Variants in SLC35F4 observed in about 807,000 individuals in gnomAD.
The protein encoded by SLC35F4 is solute carrier family 35 member F4.
SLC35F4 carries 24 observed loss-of-function variants against 44.2 expected under a neutral mutation model. That is an observed-to-expected ratio of 0.54 (90% CI 0.39 to 0.76). The LOEUF is 0.76. Ranked by LOEUF, SLC35F4 falls within the 30% of genes least tolerant of loss-of-function variation. SLC35F4 has a pLI of 0.00. For synonymous variants in SLC35F4, 238 were observed against 223.6 expected (o/e 1.06, Z -0.57); for missense variants, 562 against 586.1 (o/e 0.96, Z 0.42).
chr14:57,575,495 A>G (rs1448711390), intron 4 of SLC35F4, among the ~76,000 whole-genome samples: 1 of 152,098 alleles, frequency 6.6e-6, no homozygotes, highest in Non-Finnish European at 1.5e-5. Context: ...ACAAACAAAA[A>G]AGATGGGGAA....
chr14:57,774,513 T>A (rs1279606372), intron 1 of SLC35F4, among the ~76,000 whole-genome samples: 2 of 152,208 alleles, frequency 1.3e-5, no homozygotes, highest in Non-Finnish European at 2.9e-5. Flanking sequence ...CTTGCTCCTA[T>A]GGGAGACTTT....
At chr14:57,771,669 C>T (rs1335071314) in intron 1 of SLC35F4, among the ~76,000 whole-genome samples, 2 of 152,236 alleles carry the variant, frequency 1.3e-5, no homozygotes, top group African/African-American at 2.4e-5. Flanking sequence ...TCACAGCTCA[C>T]TGCAATCTCT....
Position 57,578,325 on chromosome 14 carries a change from GTTTTTTTTTTTTTTTTTTTT to G in SLC35F4, c.807+2869_807+2888del, listed in dbSNP as rs199785589. Among the ~76,000 whole-genome samples the G allele has an allele frequency of 8.3e-4, 36 of 43,164 alleles. 1 individual carries two copies. Among genetic ancestry groups the G allele is most frequent in the East Asian group, 8.3e-3 (15 of 1,802 alleles). The allele number at this position is 43,164 out of a possible 152,430, so 28.3% of individuals were successfully genotyped here. ...GATGACTGAAAGCATCCCTTTAACT[GTTTTTTTTTTTTTTTTTTTT>G]TTTTTTTTTTTTTTTTTTGAGTAGT... is the stretch of plus-strand genomic sequence containing the variant. On this transcript the variant is annotated intron_variant, in intron 4 of 7. Transcript: ENST00000556826.
At chr14:57,902,654 A>G (rs1889027513) in intron 1 of SLC35F4, among the ~76,000 whole-genome samples, 1 of 152,208 alleles carries the variant, frequency 6.6e-6, no homozygotes, top group Non-Finnish European at 1.5e-5. Flanking sequence ...GAAAAAAATC[A>G]TGTGTATAAA....
intron 1 of SLC35F4, among the ~76,000 whole-genome samples, chr14:57,897,338 A>C (rs1177520803): frequency 6.6e-6 from 1 of 152,146 alleles, no homozygotes; most frequent in Non-Finnish European, 1.5e-5. Context: ...TGTCAGCATG[A>C]TAAATGACAA....
chr14:57,581,403 A>G lies in SLC35F4; in HGVS notation c.618T>C (p.Gly206=). The G allele has an allele frequency of 6.2e-7, 1 of 1,611,872 alleles. No individual in the cohort carries two copies. The highest frequency in any genetic ancestry group is 8.5e-7 in the Non-Finnish European group (1 of 1,178,972). The change falls in exon 4 of 8, where the codon GGT becomes GGC. Residue 206 remains glycine (G), a synonymous_variant. Coordinates refer to ENST00000556826, the MANE Select transcript of SLC35F4 (RefSeq NM_001306087.2). ...RECSRIFGED[G]LTLKLFLKRT... is the part of the protein sequence containing the mutation. ...TTTTAAGAAAGAGTTTCAGCGTCAG[A>G]CCATCTTCACCAAAAATCCGACTGC...
intron 1 of SLC35F4, among the ~76,000 whole-genome samples, chr14:57,720,492 A>T (rs1160128995): frequency 6.6e-6 from 1 of 152,178 alleles, no homozygotes; most frequent in Non-Finnish European, 1.5e-5. Context: ...ATGTTTTATT[A>T]TGGCATTGAT....
chr14:57,950,551 A>T (rs780710888), intron 1 of SLC35F4, among the ~76,000 whole-genome samples: 1 of 151,830 alleles, frequency 6.6e-6, no homozygotes, highest in Non-Finnish European at 1.5e-5. Context: ...CTTGGCTTGG[A>T]GCCATTTCTG....
intron 1 of SLC35F4, among the ~76,000 whole-genome samples, chr14:57,772,611 C>T (rs2077394738): frequency 6.6e-6 from 1 of 152,130 alleles, no homozygotes; most frequent in South Asian, 2.1e-4. Context: ...TAAGTGAGGA[C>T]ATGTAGTATT....
At chr14:57,778,065 T>G (rs1390792951) in intron 1 of SLC35F4, among the ~76,000 whole-genome samples, 4 of 152,196 alleles carry the variant, frequency 2.6e-5, no homozygotes, top group Non-Finnish European at 2.9e-5. Context: ...GACAGGTCTT[T>G]CCTATGCTGT....
intron 1 of SLC35F4, among the ~76,000 whole-genome samples, chr14:57,733,201 C>G (rs139914097): frequency 1.3e-5 from 2 of 152,048 alleles, no homozygotes; most frequent in Non-Finnish European, 2.9e-5. Context: ...GCTCTCCGGC[C>G]TACTGATTTG....
intron 1 of SLC35F4, among the ~76,000 whole-genome samples, chr14:57,631,795 CT>C (rs1323123087): frequency 2.0e-5 from 3 of 152,008 alleles, no homozygotes; most frequent in Non-Finnish European, 2.9e-5. Context: ...TAGTATTTCT[CT>C]GAAAGATCGT....
At chr14:57,625,867 A>G (rs1438313282) in intron 1 of SLC35F4, among the ~76,000 whole-genome samples, 1 of 152,120 alleles carries the variant, frequency 6.6e-6, no homozygotes, top group Non-Finnish European at 1.5e-5. Context: ...ATAAAGACAC[A>G]CACACGTATG....
intron 1 of SLC35F4, among the ~76,000 whole-genome samples, chr14:57,958,782 G>A (rs920982966): frequency 2.6e-5 from 4 of 152,178 alleles, no homozygotes; most frequent in Non-Finnish European, 4.4e-5. Flanking sequence ...ATACATTGAT[G>A]ATAGGAATGT....
At chr14:57,619,690 T>C (rs188336027) in intron 1 of SLC35F4, among the ~76,000 whole-genome samples, 2 of 151,636 alleles carry the variant, frequency 1.3e-5, no homozygotes, top group Admixed American at 1.3e-4. Flanking sequence ...GTAGAATGAG[T>C]TTGACAAATG....
rs1252027469 is a variant in SLC35F4 at position 57,865,703 on chromosome 14, G to A, written c.103+20C>T. On this transcript the variant is annotated intron_variant, in intron 1 of 7. Transcript: ENST00000556826. The stretch of plus-strand genomic sequence containing the variant: ...ACCTCCCTTCCCCGCCTCGCGCAGG[G>A]CAGCCGCGCGGCGTCTTACTTTTCT... 1.3e-6 allele frequency: 2 copies of A among 1,509,338 alleles called. No homozygotes were observed. The highest frequency in any genetic ancestry group is 5.1e-5 in the East Asian group (2 of 38,990). 93.5% of individuals were successfully genotyped at this position (1,509,338 alleles called of 1,614,324 possible).
chr14:57,932,448 A>G (rs1192415456), intron 1 of SLC35F4, among the ~76,000 whole-genome samples: 1 of 152,234 alleles, frequency 6.6e-6, no homozygotes, highest in East Asian at 1.9e-4. Context: ...ATTTTTAGGT[A>G]GGATGACTAT....
intron 1 of SLC35F4, among the ~76,000 whole-genome samples, chr14:57,720,881 A>C (rs186008134): frequency 2.0e-5 from 3 of 150,410 alleles, no homozygotes; most frequent in Non-Finnish European, 4.4e-5. Context: ...TTGGACTTCA[A>C]GTTCTTCAGT....
intron 1 of SLC35F4, among the ~76,000 whole-genome samples, chr14:57,707,484 C>A (rs1055913228): frequency 1.3e-5 from 2 of 152,148 alleles, no homozygotes; most frequent in African/African-American, 2.4e-5. Flanking sequence ...CCTTACTTCC[C>A]CTTCACGTTC....
Sources: gnomAD v4.1 joint callset for allele counts (sites outside exome capture counted in the v4.1 genomes callset) on GRCh38, gnomAD v4.1.1 for gene constraint, MANE v1.5 for transcripts, NCBI Gene and HGNC (gene_info 2026-07-23, HGNC 2026-07-21) for gene names.